Variants in PIK3C2G observed in about 807,000 individuals in gnomAD.
PIK3C2G encodes the protein phosphatidylinositol-4-phosphate 3-kinase catalytic subunit type 2 gamma.
In PIK3C2G, 168 loss-of-function variants were observed where a neutral mutation model predicts 181.1. That is an observed-to-expected ratio of 0.93 (90% CI 0.82 to 1.05). PIK3C2G has a LOEUF of 1.05. Among genes scored for constraint, PIK3C2G ranks in the 50% least tolerant of loss-of-function variants. PIK3C2G has a pLI of 0.00. For missense variants in PIK3C2G, 1,869 were observed against 1,732.8 expected, an observed-to-expected ratio of 1.08 and a Z score of -1.40; for synonymous variants, 573 against 592.2, an observed-to-expected ratio of 0.97 and a Z score of 0.47.
intron 18 of PIK3C2G, 96 bp from the exon 19 acceptor site, chr12:18,488,353 T>C: frequency 1.4e-6 from 1 of 722,854 alleles, no homozygotes; most frequent in Non-Finnish European, 2.0e-6. Flanking sequence ...AGCCACCAAA[T>C]ACAGATTAGT....
At chr12:18,578,867 A>G (rs1022234196) in intron 29 of PIK3C2G, among the ~76,000 whole-genome samples, 8 of 152,028 alleles carry the variant, frequency 5.3e-5, no homozygotes, top group Non-Finnish European at 1.2e-4. Flanking sequence ...TTGAATCTAT[A>G]CTATTTATGC....
At chr12:18,688,382 A>G in the PIK3C2G span, among the ~76,000 whole-genome samples, 1 of 152,078 alleles carries the variant, frequency 6.6e-6, no homozygotes, top group East Asian at 1.9e-4. Flanking sequence ...TAAGTCTTTT[A>G]TCCTCAGTTA....
At chr12:18,290,720 G>T in intron 3 of PIK3C2G, 135 bp from the exon 4 acceptor site, 1 of 640,770 alleles carries the variant, frequency 1.6e-6, no homozygotes, top group Non-Finnish European at 2.7e-6. Context: ...ATCAATTACT[G>T]ATTGCTTTCA....
At chr12:18,292,227 A>AAAAAAAAATATATAT in intron 4 of PIK3C2G, among the ~76,000 whole-genome samples, 14 of 48,724 alleles carry the variant, frequency 2.9e-4, no homozygotes, top group South Asian at 8.9e-4. Flanking sequence ...AAAAAAAAAA[A>AAAAAAAAATATATAT]ATATATATAT....
At chr12:18,572,709 A>T (rs1946022746) in intron 29 of PIK3C2G, among the ~76,000 whole-genome samples, 1 of 152,052 alleles carries the variant, frequency 6.6e-6, no homozygotes, top group African/African-American at 2.4e-5. Flanking sequence ...CTGTAATAAC[A>T]TATATGTTAA....
intron 24 of PIK3C2G, among the ~76,000 whole-genome samples, chr12:18,521,886 G>T (rs992210629): frequency 6.6e-6 from 1 of 152,234 alleles, no homozygotes; most frequent in African/African-American, 2.4e-5. Context: ...AGGCCCCAGT[G>T]GTGTGGGATC....
At chr12:18,433,934 C>T (rs571155181) in intron 18 of PIK3C2G, among the ~76,000 whole-genome samples, 230 of 152,280 alleles carry the variant, frequency 1.5e-3, no homozygotes, top group African/African-American at 5.3e-3. Context: ...GTCATCAGCT[C>T]ATTGATGGGA....
At chr12:18,569,188 C>T (rs373112512) in intron 29 of PIK3C2G, among the ~76,000 whole-genome samples, 143 of 152,124 alleles carry the variant, frequency 9.4e-4, no homozygotes, top group African/African-American at 3.2e-3. Context: ...ATGGTCACTG[C>T]GGGAGCCTTC....
At chr12:18,340,734 AAAAT>A (rs1939058469) in intron 9 of PIK3C2G, among the ~76,000 whole-genome samples, 1 of 152,182 alleles carries the variant, frequency 6.6e-6, no homozygotes, top group South Asian at 2.1e-4. Context: ...TTAAAACAGA[AAAAT>A]AAAATAATTT....
chr12:18,671,727 AT>A, the PIK3C2G span, among the ~76,000 whole-genome samples: 3 of 152,152 alleles, frequency 2.0e-5, no homozygotes, highest in African/African-American at 4.8e-5. Context: ...GGAAATTTGA[AT>A]TTTTTTCCAA....
chr12:18,454,629 GAGACAAAGGCAAAAGC>G (rs1947532901), intron 18 of PIK3C2G, among the ~76,000 whole-genome samples: 1 of 152,102 alleles, frequency 6.6e-6, no homozygotes. Context: ...TAGAATTAAG[GAGACAAAGGCAAAAGC>G]AGAAAAGTCA....
At chr12:18,315,021 A>G (rs1254805668) in intron 6 of PIK3C2G, among the ~76,000 whole-genome samples, 1 of 152,234 alleles carries the variant, frequency 6.6e-6, no homozygotes, top group East Asian at 1.9e-4. Context: ...CACAGTATGC[A>G]GTGAACTTTG....
At chr12:18,643,749 T>C (rs1278327718) in intron 32 of PIK3C2G, among the ~76,000 whole-genome samples, 1 of 152,032 alleles carries the variant, frequency 6.6e-6, no homozygotes, top group Non-Finnish European at 1.5e-5. Flanking sequence ...AGCCCAGTGC[T>C]TACTAGAGAG....
At chr12:18,704,673 C>G in the PIK3C2G span, among the ~76,000 whole-genome samples, 1 of 151,964 alleles carries the variant, frequency 6.6e-6, no homozygotes, top group Non-Finnish European at 1.5e-5. Context: ...AAGTGAAGTC[C>G]TGATGGTAGA....
At chr12:18,468,520 C>T (rs61914370) in intron 18 of PIK3C2G, among the ~76,000 whole-genome samples, 21,829 of 151,944 alleles carry the variant, frequency 0.14, 1,870 homozygotes, top group Middle Eastern at 0.2. Context: ...CTTGAATATC[C>T]TTATATTCTA....
intron 3 of PIK3C2G, 26 bp from the exon 4 acceptor site, chr12:18,290,829 T>C: frequency 6.7e-7 from 1 of 1,484,792 alleles, no homozygotes; most frequent in Non-Finnish European, 9.4e-7. Flanking sequence ...TTGTCCTAAG[T>C]ATTTTTCTTA....
chr12:18,399,634 T>C (rs370115823), intron 15 of PIK3C2G, 25 bp from the exon 16 acceptor site: 3 of 1,478,780 alleles, frequency 2.0e-6, no homozygotes, highest in Non-Finnish European at 2.8e-6. Flanking sequence ...TCCAGTAAAT[T>C]ACAGTTTCCA....
chr12:18,301,933 C>T (rs1053937677), intron 5 of PIK3C2G, among the ~76,000 whole-genome samples: 1 of 152,152 alleles, frequency 6.6e-6, no homozygotes, highest in African/African-American at 2.4e-5. Flanking sequence ...TCTTTCTAGG[C>T]AAATACAGCA....
At chr12:18,495,315 C>T (rs1358431906) in intron 20 of PIK3C2G, among the ~76,000 whole-genome samples, 1 of 151,862 alleles carries the variant, frequency 6.6e-6, no homozygotes, top group Non-Finnish European at 1.5e-5. Flanking sequence ...GGAAAACAGG[C>T]AACTAGGAAA....
Sources: gnomAD v4.1 joint callset for allele counts (sites outside exome capture counted in the v4.1 genomes callset) on GRCh38, gnomAD v4.1.1 for gene constraint, MANE v1.5 for transcripts, NCBI Gene and HGNC (gene_info 2026-07-23, HGNC 2026-07-21) for gene names.